The following VPS45 variants were observed in gnomAD, a reference collection of about 807,000 sequenced individuals.
VPS45 encodes the protein vacuolar protein sorting-associated protein 45.
In VPS45, 35 loss-of-function variants were observed where a neutral mutation model predicts 75.9. The ratio of observed to expected loss-of-function variants is 0.46; its 90% confidence interval spans 0.35 to 0.61. The LOEUF is 0.61. Ranked by LOEUF, VPS45 falls within the 20% of genes least tolerant of loss-of-function variation. The pLI, the probability that VPS45 is intolerant of heterozygous loss-of-function variation, is 0.00. For synonymous variants in VPS45, 220 were observed against 238.2 expected (o/e 0.92, Z 0.70); for missense variants, 559 against 685.9 (o/e 0.81, Z 2.07).
intron 14 of VPS45, among the ~76,000 whole-genome samples, chr1:150,130,198 C>CCTTTT (rs1553811982): frequency 1.2e-5 from 1 of 86,338 alleles, no homozygotes; most frequent in African/African-American, 5.0e-5. Context: ...CACACACACA[C>CCTTTT]TTTTTTTTTT....
intron 14 of VPS45, among the ~76,000 whole-genome samples, chr1:150,122,317 G>A (rs971379160): frequency 6.6e-6 from 1 of 152,012 alleles, no homozygotes; most frequent in Non-Finnish European, 1.5e-5. Flanking sequence ...AGAAGAGTGT[G>A]CAAAGACTTA....
chr1:150,116,712 A>G (rs754655114), intron 14 of VPS45, among the ~76,000 whole-genome samples: 4 of 152,202 alleles, frequency 2.6e-5, no homozygotes, highest in Non-Finnish European at 4.4e-5. Flanking sequence ...GAGTTATTTC[A>G]TGAATGTTTA....
chr1:150,103,657 T>G (rs1422735969), intron 13 of VPS45, among the ~76,000 whole-genome samples: 1 of 152,216 alleles, frequency 6.6e-6, no homozygotes, highest in Non-Finnish European at 1.5e-5. Context: ...CTTACTATGC[T>G]AAAAGCCCAC....
intron 14 of VPS45, among the ~76,000 whole-genome samples, chr1:150,131,632 C>T (rs587740467): frequency 1.1e-4 from 17 of 147,852 alleles, no homozygotes; most frequent in Admixed American, 5.5e-4. Flanking sequence ...GCCAGGAGTT[C>T]GAGACCAATC....
chr1:150,134,946 C>A (rs587732968), intron 14 of VPS45, among the ~76,000 whole-genome samples: 302 of 152,222 alleles, frequency 2.0e-3, no homozygotes, highest in Non-Finnish European at 3.7e-3. Flanking sequence ...TGAGTGGCTG[C>A]CTTTACTATT....
At chr1:150,140,852 G>C (rs74124317) in intron 14 of VPS45, among the ~76,000 whole-genome samples, 3,275 of 152,280 alleles carry the variant, frequency 0.022, 98 homozygotes, top group African/African-American at 0.074. Context: ...AGATATGGAA[G>C]AATGAGTACG....
chr1:150,110,476 C>T lies in VPS45; in HGVS notation c.1494-20C>T, dbSNP rs1553806965. 1 of 1,590,308 alleles carries T rather than the reference C, an allele frequency of 6.3e-7. No individual in the cohort carries two copies. The highest frequency in any genetic ancestry group is 8.6e-7 in the Non-Finnish European group (1 of 1,166,078). On this transcript the variant is annotated intron_variant, in intron 13 of 14. Coordinates refer to ENST00000644510, the MANE Select transcript of VPS45 (RefSeq NM_007259.5). ...TTTTTTTCTTATCCTGTGATAATAT[C>T]TCATTCTTCATTATTGCAGACCTCA...
chr1:150,133,744 A>G (rs1285717656), intron 14 of VPS45, among the ~76,000 whole-genome samples: 3 of 152,098 alleles, frequency 2.0e-5, no homozygotes, highest in African/African-American at 4.8e-5. Flanking sequence ...CTCAGATGAT[A>G]ACTACCTTTC....
At chr1:150,091,664 A>G (rs1190803841) in intron 10 of VPS45, among the ~76,000 whole-genome samples, 3 of 152,248 alleles carry the variant, frequency 2.0e-5, no homozygotes, top group East Asian at 1.9e-4. Flanking sequence ...GGAAATTACA[A>G]CTTCAGCTAT....
rs1470617165 is a variant in VPS45 at position 150,073,702 on chromosome 1, CCT to C, written c.289+1477_289+1478del. Among the ~76,000 whole-genome samples, 15 of 151,910 alleles carry C rather than the reference CCT, an allele frequency of 9.9e-5. No homozygotes were observed. In the East Asian group the frequency reaches 1.5e-3, roughly 16 times the overall value. ...CCAGATACCCTTTACCCAGCTTCCC[CCT>C]GTGTAGTATCTTACATGATGATAGT... On this transcript the variant is annotated intron_variant, in intron 3 of 14. Coordinates refer to ENST00000644510, the MANE Select transcript of VPS45 (RefSeq NM_007259.5).
At chr1:150,111,098 G>A (rs782609117) in intron 14 of VPS45, among the ~76,000 whole-genome samples, 1 of 152,126 alleles carries the variant, frequency 6.6e-6, no homozygotes, top group South Asian at 2.1e-4. Context: ...AGAATACAAA[G>A]ATGAATAATC....
intron 14 of VPS45, among the ~76,000 whole-genome samples, chr1:150,142,434 T>C (rs879964594): frequency 7.2e-5 from 11 of 152,230 alleles, no homozygotes; most frequent in Non-Finnish European, 1.3e-4. Flanking sequence ...ATGTCTGTAT[T>C]TCCATAGAGG....
At chr1:150,084,399 G>A (rs782804047) in intron 10 of VPS45, among the ~76,000 whole-genome samples, 11 of 152,122 alleles carry the variant, frequency 7.2e-5, no homozygotes, top group Non-Finnish European at 1.5e-4. Context: ...TACAGTGATA[G>A]TAGTAAAAAT....
At chr1:150,070,908 T>C (rs1655031461) in intron 2 of VPS45, among the ~76,000 whole-genome samples, 1 of 151,964 alleles carries the variant, frequency 6.6e-6, no homozygotes, top group African/African-American at 2.4e-5. Context: ...TTTTTCCACA[T>C]TGTCTGAACT....
At position 150,144,966 on chromosome 1, in the gene VPS45, T is replaced by C. The variant is rs782173923; in HGVS notation, c.*170T>C. ...CACAGACACAAGACTCCCAGAGTTGTCCTAACAATAAGTCTGAGCCCATCT... is the reference window on the plus strand; with the variant it reads ...CACAGACACAAGACTCCCAGAGTTGCCCTAACAATAAGTCTGAGCCCATCT... On this transcript the variant is annotated 3_prime_UTR_variant, in exon 15 of 15. Transcript: ENST00000644510. The C allele has an allele frequency of 1.3e-6, 2 of 1,526,050 alleles. No homozygotes were observed. Among genetic ancestry groups the C allele is most frequent in the East Asian group, 4.9e-5 (2 of 40,858 alleles). The allele number at this position is 1,526,050 out of a possible 1,614,324, so 94.5% of individuals were successfully genotyped here.
At chr1:150,072,123 G>A (rs1553797156) in intron 2 of VPS45, 43 bp from the exon 3 acceptor site, 1 of 1,549,406 alleles carries the variant, frequency 6.5e-7, no homozygotes, top group African/African-American at 1.4e-5. Context: ...TTTTCCTTAA[G>A]CAACTCTCCT....
At chr1:150,104,689 T>G (rs1320901643) in intron 13 of VPS45, among the ~76,000 whole-genome samples, 2 of 152,084 alleles carry the variant, frequency 1.3e-5, no homozygotes, top group African/African-American at 4.8e-5. Context: ...CCCATCTCAG[T>G]GCCCCCTCCC....
At chr1:150,076,746 A>G in intron 4 of VPS45, 170 bp from the exon 5 acceptor site, 2 of 647,818 alleles carry the variant, frequency 3.1e-6, no homozygotes, top group Non-Finnish European at 5.3e-6. Flanking sequence ...AATTATTTTA[A>G]TTCTCCCACG....
At chr1:150,102,252 A>AT (rs1657076148) in intron 13 of VPS45, among the ~76,000 whole-genome samples, 1 of 142,262 alleles carries the variant, frequency 7.0e-6, no homozygotes, top group East Asian at 2.0e-4. Flanking sequence ...AAAAAAAAAA[A>AT]AACAAACACA....
Sources: gnomAD v4.1 joint callset for allele counts (sites outside exome capture counted in the v4.1 genomes callset) on GRCh38, gnomAD v4.1.1 for gene constraint, MANE v1.5 for transcripts, NCBI Gene and HGNC (gene_info 2026-07-23, HGNC 2026-07-21) for gene names.